Variants in AWAT1 observed in about 807,000 individuals in gnomAD.
The protein encoded by AWAT1 is acyl-CoA wax alcohol acyltransferase 1.
AWAT1 carries 26 observed loss-of-function variants against 21.6 expected under a neutral mutation model. The observed-to-expected ratio is 1.20, with a 90% CI of 0.88 to 1.67. The LOEUF is 1.67. AWAT1 is among the 40% of genes most tolerant of loss of function. The pLI is 0.00. For missense variants in AWAT1, 264 were observed against 249.4 expected (o/e 1.06, Z -0.39); for synonymous variants, 102 against 99.3 (o/e 1.03, Z -0.16).
chrX:70,236,368 G>T (rs1033756161), intron 3 of AWAT1, among the ~76,000 whole-genome samples: 2 of 112,232 alleles, frequency 1.8e-5, no homozygotes, highest in African/African-American at 6.5e-5. Flanking sequence ...GGCAAGCACA[G>T]TTCAGATCAG....
In AWAT1 at chrX:70,238,415, G is replaced by A. The variant is rs2085524448; in HGVS notation, c.632+32G>A. 2.6e-6 allele frequency: 3 copies of A among 1,141,064 alleles called. No individual in the cohort carries two copies. In the African/African-American group the frequency reaches 5.4e-5, roughly 20 times the overall value. The allele number at this position is 1,141,064 out of a possible 1,213,427, so 94.0% of individuals were successfully genotyped here. A position where few individuals can be genotyped will look rare whatever the true frequency, so the allele number is the denominator to read the frequency against. On this transcript the variant is annotated intron_variant, in intron 5 of 6. Transcript: ENST00000374521. The stretch of plus-strand genomic sequence containing the variant: ...GTTCCCCACAGAGGGGCAGTGCATG[G>A]TGTTCTCTGAGCAGCATGACCCTGT...
Position 70,240,336 on chromosome X carries a change from G to A in AWAT1, c.*46G>A, listed in dbSNP as rs780259374. The A allele has an allele frequency of 1.7e-6, 2 of 1,168,168 alleles. No homozygotes were observed. The highest frequency in any genetic ancestry group is 2.4e-4 in the Middle Eastern group (1 of 4,177). On this transcript the variant is annotated 3_prime_UTR_variant, in exon 7 of 7. Coordinates refer to ENST00000374521, the MANE Select transcript of AWAT1 (RefSeq NM_001013579.3). ...GGAGCACAGGAGTGCCTGCCTTGAA[G>A]AAGAGACTCATCTGCCACTAACCAA...
intron 3 of AWAT1, among the ~76,000 whole-genome samples, chrX:70,236,724 C>T (rs755028823): frequency 2.1e-4 from 23 of 111,383 alleles, no homozygotes; most frequent in Non-Finnish European, 3.6e-4. Flanking sequence ...AACACCACCC[C>T]GACTTTTAGA....
At chrX:70,237,626 G>A (rs1015973698) in intron 4 of AWAT1, among the ~76,000 whole-genome samples, 1 of 109,149 alleles carries the variant, frequency 9.2e-6, no homozygotes, top group African/African-American at 3.3e-5. Context: ...GAGGTCAGGA[G>A]TTCGAGACCA....
Position 70,238,394 on chromosome X carries a change from C to T in AWAT1, c.632+11C>T. Reference sequence around the variant, plus strand: ...AGCCCTCCAGCATGGGTAGGTGTTCCCCACAGAGGGGCAGTGCATGGTGTT... The same window carrying T: ...AGCCCTCCAGCATGGGTAGGTGTTCTCCACAGAGGGGCAGTGCATGGTGTT... On this transcript the variant is annotated intron_variant, in intron 5 of 6. Transcript: ENST00000374521. 1 of 1,174,604 alleles carries T rather than the reference C, an allele frequency of 8.5e-7. No individual in the cohort carries two copies. The highest frequency in any genetic ancestry group is 2.3e-5 in the Admixed American group (1 of 43,180).
At chrX:70,237,381 T>A in intron 4 of AWAT1, 133 bp downstream of exon 4, 1 of 592,088 alleles carries the variant, frequency 1.7e-6, no homozygotes, top group Non-Finnish European at 2.6e-6. Flanking sequence ...GCATATGTTC[T>A]AGAGCTAAGC....
At chrX:70,237,438 G>C (rs2085519021) in intron 4 of AWAT1, 190 bp downstream of exon 4, 2 of 439,906 alleles carry the variant, frequency 4.5e-6, no homozygotes, top group Non-Finnish European at 7.8e-6. Context: ...GTGGTCTTGA[G>C]CAAACTAGCC....
In AWAT1 at chrX:70,235,749, T is replaced by G; in HGVS notation, c.110T>G (p.Leu37Arg). 1 of 1,211,315 alleles carries G rather than the reference T, an allele frequency of 8.3e-7. No individual in the cohort carries two copies. The highest frequency in any genetic ancestry group is 1.1e-6 in the Non-Finnish European group (1 of 895,211). ...WILQPLFVYLLFTSLWPLPVL... is the reference protein window; with the variant it reads ...WILQPLFVYLRFTSLWPLPVL... ...TTGCAGCCATTGTTCGTCTACCTGC[T>G]GTTTACATCCTTGTGGCCGCTACCA... is the stretch of plus-strand genomic sequence containing the variant. The change falls in exon 2 of 7, where the codon CTG becomes CGG. Residue 37 changes from leucine to arginine, a missense_variant. Leu to Arg is a moderately radical substitution (Grantham distance 102). Transcript: ENST00000374521.
intron 5 of AWAT1, 126 bp downstream of exon 5, chrX:70,238,509 G>C: frequency 2.7e-6 from 2 of 747,378 alleles, no homozygotes; most frequent in Non-Finnish European, 3.7e-6. Context: ...AAGAAAAATG[G>C]GTCATCCAGT....
chrX:70,237,569 C>T (rs766341513), intron 4 of AWAT1, among the ~76,000 whole-genome samples: 4 of 109,707 alleles, frequency 3.6e-5, no homozygotes, highest in Non-Finnish European at 5.7e-5. Flanking sequence ...CAGTGACTCA[C>T]GCCTGTAATC....
Position 70,240,493 on chromosome X carries a change from G to T in AWAT1, c.*203G>T. 2.3e-6 allele frequency: 1 copy of T among 426,269 alleles called. No homozygotes were observed. 35.1% of individuals were successfully genotyped at this position (426,269 alleles called of 1,213,427 possible). On this transcript the variant is annotated 3_prime_UTR_variant, in exon 7 of 7. Transcript: ENST00000374521. ...TGCACACAGTCATTCCTCAAAGGAGGGCATCCTAGTGCCCCTCATGCTGGG... is the reference window on the plus strand; with the variant it reads ...TGCACACAGTCATTCCTCAAAGGAGTGCATCCTAGTGCCCCTCATGCTGGG...
At chrX:70,237,330 C>T in intron 4 of AWAT1, 82 bp downstream of exon 4, 1 of 819,749 alleles carries the variant, frequency 1.2e-6, no homozygotes, top group Non-Finnish European at 1.8e-6. Flanking sequence ...TCCCCTCCTC[C>T]CCCCACCCGC....
At chrX:70,236,447 A>G (rs56080916) in intron 3 of AWAT1, among the ~76,000 whole-genome samples, 2,852 of 111,900 alleles carry the variant, frequency 0.025, 25 homozygotes, top group South Asian at 0.098. Flanking sequence ...ATAGGATGCA[A>G]TTCTCTGCCA....
chrX:70,236,100 G>T lies in AWAT1; in HGVS notation c.216G>T (p.Trp72Cys). The change falls in exon 3 of 7, where the codon TGG (tryptophan) becomes TGT (cysteine). Residue 72 changes from tryptophan (W) to cysteine (C), a missense_variant. Trp to Cys is a radical substitution (Grantham distance 215). Coordinates refer to ENST00000374521, the MANE Select transcript of AWAT1 (RefSeq NM_001013579.3). ...GGCGTTCGGCCTGGGTAAGGAACTG[G>T]TGTGTCTGGACCCACATCAGGGACT... ...GGRRSAWVRN[W>C]CVWTHIRDYF... is the part of the protein sequence containing the mutation. 8.3e-7 allele frequency: 1 copy of T among 1,211,239 alleles called. No homozygotes were observed. The highest frequency in any genetic ancestry group is 1.1e-6 in the Non-Finnish European group (1 of 895,020).
In AWAT1 at chrX:70,237,076, C is replaced by T. The variant is rs201943472; in HGVS notation, c.288C>T (p.His96=). The T allele has an allele frequency of 9.1e-6, 11 of 1,205,876 alleles. No homozygotes were observed. In the East Asian group the frequency reaches 2.7e-4, roughly 29 times the overall value. The stretch of plus-strand genomic sequence containing the variant: ...AGACAAAGGACCTATCACCTGAGCA[C>T]AACTACCTCATGGGGGTTCACCCCC... ...ILKTKDLSPE[H]NYLMGVHPHG... The change falls in exon 4 of 7, where the codon CAC becomes CAT. Residue 96 remains histidine (H), a synonymous_variant. Transcript: ENST00000374521.
At position 70,237,180 on chromosome X, in the gene AWAT1, C is replaced by T. The variant is rs1602706971; in HGVS notation, c.392C>T (p.Thr131Ile). ...TTCTCGAAGACCTTCCCAGGCATCA[C>T]TCCTCACTTGGCCACGCTGTCCTGG... is the stretch of plus-strand genomic sequence containing the variant. ...TGFSKTFPGI[T>I]PHLATLSWFF... The change falls in exon 4 of 7, where the codon ACT becomes ATT. Residue 131 changes from threonine (T) to isoleucine (I), a missense_variant. Transcript: ENST00000374521. 1 of 1,209,247 alleles carries T rather than the reference C, an allele frequency of 8.3e-7. No homozygotes were observed. The highest frequency in any genetic ancestry group is 1.7e-5 in the African/African-American group (1 of 57,701).
At chrX:70,237,896 AAAT>A (rs1167919639) in intron 4 of AWAT1, among the ~76,000 whole-genome samples, 3 of 105,392 alleles carry the variant, frequency 2.8e-5, no homozygotes, top group Non-Finnish European at 5.9e-5. Context: ...TATCCTCAAT[AAAT>A]AATAGCTGTT....
rs776248381 is a variant in AWAT1 at position 70,235,838 on chromosome X, C to T, written c.184+15C>T. The T allele has an allele frequency of 5.2e-6, 6 of 1,160,016 alleles. No homozygotes were observed. The East Asian group carries it at 1.8e-4, about 34-fold the overall frequency. ...CCCAGAGCGAGGTAAGACTCACAGA[C>T]CTAGAAAGAAGAATGTTCCATCATA... On this transcript the variant is annotated intron_variant, in intron 2 of 6. Transcript: ENST00000374521.
chrX:70,239,659 C>A lies in AWAT1; in HGVS notation c.633-76C>A, dbSNP rs1024305839. 1.9e-5 allele frequency: 18 copies of A among 937,812 alleles called. No homozygotes were observed. The East Asian group carries it at 2.5e-4, about 13-fold the overall frequency. The allele number at this position is 937,812 out of a possible 1,213,427, so 77.3% of individuals were successfully genotyped here. Reference sequence around the variant, plus strand: ...TTCATCAAAATAGATGAGGGCCTGGCAAGCAAACAAATGTTCTTCCAGGGT... The same window carrying A: ...TTCATCAAAATAGATGAGGGCCTGGAAAGCAAACAAATGTTCTTCCAGGGT... On this transcript the variant is annotated intron_variant, in intron 5 of 6. Coordinates refer to ENST00000374521, the MANE Select transcript of AWAT1 (RefSeq NM_001013579.3).
Sources: gnomAD v4.1 joint callset for allele counts (sites outside exome capture counted in the v4.1 genomes callset) on GRCh38, gnomAD v4.1.1 for gene constraint, MANE v1.5 for transcripts, NCBI Gene and HGNC (gene_info 2026-07-23, HGNC 2026-07-21) for gene names.